The following ELMO1 variants were observed in gnomAD, a reference collection of about 807,000 sequenced individuals.
The protein encoded by ELMO1 is engulfment and cell motility protein 1.
A neutral mutation model predicts 98.9 loss-of-function variants in ELMO1; 26 were observed. The ratio of observed to expected loss-of-function variants is 0.26; its 90% CI spans 0.19 to 0.36. The LOEUF (loss-of-function observed/expected upper bound fraction) is 0.36, where lower values mean the gene tolerates loss of function less well. ELMO1 is among the 10% of genes least tolerant of loss of function. The pLI is 1.00. For synonymous variants in ELMO1, 346 were observed against 346.0 expected, an observed-to-expected ratio of 1.00 and a Z score of 0.00; for missense variants, 627 against 935.2, an observed-to-expected ratio of 0.67 and a Z score of 4.30.
At chr7:37,093,021 T>A (rs1784202276) in intron 15 of ELMO1, among the ~76,000 whole-genome samples, 1 of 152,056 alleles carries the variant, frequency 6.6e-6, no homozygotes, top group South Asian at 2.1e-4. Context: ...TAGATGCCAT[T>A]GCTCTTGATT....
chr7:37,234,526 G>A (rs933077671), intron 7 of ELMO1, among the ~76,000 whole-genome samples: 8 of 152,214 alleles, frequency 5.3e-5, no homozygotes, highest in Non-Finnish European at 1.0e-4. Context: ...AGCTGCCGGA[G>A]ACCAGGGGCA....
intron 1 of ELMO1, among the ~76,000 whole-genome samples, chr7:37,437,687 A>ATATAATTATTAACTAT (rs1583763296): frequency 4.9e-5 from 4 of 81,148 alleles, no homozygotes; most frequent in Admixed American, 1.3e-4. Context: ...AATATACAAT[A>ATATAATTATTAACTAT]GGCCGGGCGC....
intron 8 of ELMO1, among the ~76,000 whole-genome samples, chr7:37,230,659 T>C (rs559801552): frequency 1.3e-5 from 2 of 152,330 alleles, no homozygotes; most frequent in African/African-American, 4.8e-5. Context: ...TACAACATTG[T>C]TGTTACATTC....
intron 2 of ELMO1, among the ~76,000 whole-genome samples, chr7:37,333,701 A>G (rs549566293): frequency 2.6e-5 from 4 of 152,348 alleles, no homozygotes; most frequent in African/African-American, 9.6e-5. Flanking sequence ...AAGGAAGTTT[A>G]AGAAATATCT....
intron 1 of ELMO1, among the ~76,000 whole-genome samples, chr7:37,344,648 T>C (rs1215680614): frequency 2.0e-5 from 3 of 152,224 alleles, no homozygotes; most frequent in Non-Finnish European, 4.4e-5. Context: ...CATTTCCAAA[T>C]TTCTCTCCAT....
At chr7:36,993,999 G>A (rs1449373291) in intron 16 of ELMO1, among the ~76,000 whole-genome samples, 6 of 152,204 alleles carry the variant, frequency 3.9e-5, no homozygotes, top group African/African-American at 1.2e-4. Flanking sequence ...CATACACTGA[G>A]AAAACATATT....
In ELMO1 at chr7:37,160,768, T is replaced by C. The variant is rs143089267; in HGVS notation, c.1087-27534A>G. ...TGCATGACCAGATGTCCCACCCCAA[T>C]TGGGCTTTCTGCAGGAGCCAAAGAG... On this transcript the variant is annotated intron_variant, in intron 13 of 21. Transcript: ENST00000310758. Among the ~76,000 whole-genome samples, 84 of 152,190 alleles carry C rather than the reference T, an allele frequency of 5.5e-4. No homozygotes were observed. In the East Asian group the frequency reaches 0.011, roughly 21 times the overall value.
At chr7:37,334,714 A>G (rs1800306776) in intron 2 of ELMO1, among the ~76,000 whole-genome samples, 3 of 152,048 alleles carry the variant, frequency 2.0e-5, no homozygotes, top group Admixed American at 1.3e-4. Context: ...AAGTACAAAA[A>G]CTCAAATGGG....
At chr7:37,286,812 A>G (rs1797415360) in intron 4 of ELMO1, among the ~76,000 whole-genome samples, 1 of 152,170 alleles carries the variant, frequency 6.6e-6, no homozygotes, top group Non-Finnish European at 1.5e-5. Flanking sequence ...GGTGAAGTCT[A>G]TGGATCTTCT....
chr7:37,377,774 T>C (rs1802414079), intron 1 of ELMO1, among the ~76,000 whole-genome samples: 1 of 152,136 alleles, frequency 6.6e-6, no homozygotes, highest in Non-Finnish European at 1.5e-5. Flanking sequence ...CTGTTTGCTA[T>C]GTGGGAGAAG....
At chr7:37,180,177 A>G (rs1790757120) in intron 13 of ELMO1, among the ~76,000 whole-genome samples, 1 of 152,184 alleles carries the variant, frequency 6.6e-6, no homozygotes, top group Admixed American at 6.5e-5. Context: ...CAGATTTTCC[A>G]TGGTCTTCAG....
At chr7:37,011,394 C>T (rs1287636596) in intron 16 of ELMO1, among the ~76,000 whole-genome samples, 2 of 152,174 alleles carry the variant, frequency 1.3e-5, no homozygotes, top group African/African-American at 4.8e-5. Context: ...TAACAAGGAA[C>T]TCTTGGTGCT....
chr7:37,216,532 C>T, intron 11 of ELMO1, 113 bp downstream of exon 11: 3 of 1,221,866 alleles, frequency 2.5e-6, no homozygotes, highest in Non-Finnish European at 2.4e-6. Flanking sequence ...CCTACTGCTT[C>T]ACCACAGAAG....
At chr7:37,136,385 A>T (rs1319515033) in intron 13 of ELMO1, among the ~76,000 whole-genome samples, 1 of 152,204 alleles carries the variant, frequency 6.6e-6, no homozygotes, top group African/African-American at 2.4e-5. Context: ...ACACCTGGTA[A>T]ATTCATCACA....
intron 13 of ELMO1, among the ~76,000 whole-genome samples, chr7:37,181,530 G>A (rs1468931397): frequency 2.6e-5 from 4 of 152,100 alleles, no homozygotes; most frequent in Non-Finnish European, 4.4e-5. Flanking sequence ...ACAGAAACAA[G>A]AGGCCAATTT....
chr7:37,010,573 G>A (rs1584510822), intron 16 of ELMO1, among the ~76,000 whole-genome samples: 1 of 152,148 alleles, frequency 6.6e-6, no homozygotes, highest in Admixed American at 6.5e-5. Flanking sequence ...TGGACAAGAA[G>A]GACATAAGCC....
At chr7:37,122,018 T>C (rs1305149312) in intron 14 of ELMO1, among the ~76,000 whole-genome samples, 1 of 152,182 alleles carries the variant, frequency 6.6e-6, no homozygotes, top group Non-Finnish European at 1.5e-5. Flanking sequence ...ACCCAGAATT[T>C]CATATCCAGC....
intron 21 of ELMO1, among the ~76,000 whole-genome samples, chr7:36,856,053 G>GT (rs1330734704): frequency 6.6e-6 from 1 of 152,204 alleles, no homozygotes; most frequent in Non-Finnish European, 1.5e-5. Context: ...ATGCTTCTCT[G>GT]TAACAGCTGA....
chr7:36,892,864 G>A, intron 17 of ELMO1, among the ~76,000 whole-genome samples: 1 of 152,102 alleles, frequency 6.6e-6, no homozygotes, highest in Non-Finnish European at 1.5e-5. Flanking sequence ...GGTACTTCTT[G>A]GTCCATGGCC....
Sources: allele counts gnomAD v4.1 joint callset (sites outside exome capture counted in the v4.1 genomes callset), GRCh38; gene constraint gnomAD v4.1.1; transcripts MANE v1.5; gene names NCBI Gene and HGNC (gene_info 2026-07-23, HGNC 2026-07-21).